PTN: variants seen among roughly 807,000 people sequenced by gnomAD.
PTN encodes pleiotrophin.
In PTN, 18 loss-of-function variants were observed where a neutral mutation model predicts 24.1. That is an observed-to-expected ratio of 0.75 (90% CI 0.52 to 1.11). PTN has a LOEUF of 1.11. Ranked by LOEUF, PTN falls within the 50% of genes least tolerant of loss-of-function variation. PTN has a pLI of 0.00. For synonymous variants in PTN, 78 were observed against 68.6 expected, an observed-to-expected ratio of 1.14 and a Z score of -0.67; for missense variants, 163 against 198.8, an observed-to-expected ratio of 0.82 and a Z score of 1.08.
chr7:137,236,107 G>A, intron 4 of PTN: 1 of 696,474 alleles, frequency 1.4e-6, no homozygotes, highest in South Asian at 1.5e-5. Context: ...ATTAATAAAA[G>A]TCCCCAATAT....
intron 1 of PTN, among the ~76,000 whole-genome samples, chr7:137,257,224 T>C (rs1442215666): frequency 6.6e-6 from 1 of 152,236 alleles, no homozygotes; most frequent in African/African-American, 2.4e-5. Flanking sequence ...CTTTCTACAA[T>C]ATAAGATAAG....
intron 1 of PTN, among the ~76,000 whole-genome samples, chr7:137,311,030 G>A (rs974689253): frequency 9.2e-5 from 14 of 151,954 alleles, no homozygotes; most frequent in African/African-American, 1.2e-4. Flanking sequence ...TCAGAAGTTC[G>A]AAACCAAACT....
At chr7:137,261,504 A>G (rs146902905) in intron 1 of PTN, among the ~76,000 whole-genome samples, 23 of 152,338 alleles carry the variant, frequency 1.5e-4, no homozygotes, top group African/African-American at 5.5e-4. Flanking sequence ...CTTGACATCT[A>G]TGTAATCAGA....
chr7:137,238,539 T>A (rs547520710), intron 4 of PTN, among the ~76,000 whole-genome samples: 2 of 152,162 alleles, frequency 1.3e-5, no homozygotes, highest in Non-Finnish European at 1.5e-5. Context: ...AGGATTATCA[T>A]GGAAACAAAA....
intron 1 of PTN, among the ~76,000 whole-genome samples, chr7:137,283,109 A>G (rs900626259): frequency 1.1e-4 from 17 of 152,158 alleles, no homozygotes; most frequent in Non-Finnish European, 2.5e-4. Flanking sequence ...CCATCCCACA[A>G]GGTTCCCACA....
intron 1 of PTN, among the ~76,000 whole-genome samples, chr7:137,310,787 T>C (rs940103913): frequency 6.6e-6 from 1 of 152,238 alleles, no homozygotes; most frequent in Non-Finnish European, 1.5e-5. Flanking sequence ...CTGGATCTTC[T>C]GGATAACTTG....
At chr7:137,251,467 T>C (rs1808826086) in intron 3 of PTN, 76 bp from the exon 4 acceptor site, 4 of 1,482,106 alleles carry the variant, frequency 2.7e-6, no homozygotes, top group African/African-American at 1.4e-5. Context: ...GGCACACTTT[T>C]GTTTGTAACT....
intron 1 of PTN, among the ~76,000 whole-genome samples, chr7:137,335,720 G>A (rs763711636): frequency 7.9e-5 from 12 of 152,152 alleles, no homozygotes; most frequent in Non-Finnish European, 1.8e-4. Flanking sequence ...TGACTGGTAT[G>A]AACATGAAAG....
chr7:137,282,202 T>C (rs2128876171), intron 1 of PTN, among the ~76,000 whole-genome samples: 1 of 152,358 alleles, frequency 6.6e-6, no homozygotes, highest in South Asian at 2.1e-4. Context: ...TAACATTAAC[T>C]GTGTGGTAGA....
intron 1 of PTN, among the ~76,000 whole-genome samples, chr7:137,294,360 C>G (rs1213947540): frequency 6.6e-6 from 1 of 152,126 alleles, no homozygotes; most frequent in Non-Finnish European, 1.5e-5. Flanking sequence ...CAGGAGTACA[C>G]TGGGCATCAT....
At chr7:137,296,709 G>T (rs925511101) in intron 1 of PTN, among the ~76,000 whole-genome samples, 3 of 152,052 alleles carry the variant, frequency 2.0e-5, no homozygotes, top group Non-Finnish European at 4.4e-5. Flanking sequence ...GAAACAGAGG[G>T]GACTCTGTAC....
chr7:137,274,984 C>T (rs1389269741), intron 1 of PTN, among the ~76,000 whole-genome samples: 1 of 152,176 alleles, frequency 6.6e-6, no homozygotes, highest in Non-Finnish European at 1.5e-5. Context: ...TCAATGGAAA[C>T]ACAGAGTTTT....
At chr7:137,296,715 T>C (rs1462349673) in intron 1 of PTN, among the ~76,000 whole-genome samples, 3 of 152,116 alleles carry the variant, frequency 2.0e-5, no homozygotes, top group African/African-American at 2.4e-5. Flanking sequence ...GAGGGGACTC[T>C]GTACAATTTC....
chr7:137,327,418 T>A (rs112548340), intron 1 of PTN, among the ~76,000 whole-genome samples: 56 of 152,216 alleles, frequency 3.7e-4, no homozygotes, highest in Non-Finnish European at 7.1e-4. Flanking sequence ...CTGTTTTCTG[T>A]CTCTGAGGTC....
chr7:137,290,912 T>C (rs1484334369), intron 1 of PTN, among the ~76,000 whole-genome samples: 1 of 152,206 alleles, frequency 6.6e-6, no homozygotes, highest in Non-Finnish European at 1.5e-5. Context: ...ACATCAACCA[T>C]TTCTCTTCAT....
intron 1 of PTN, among the ~76,000 whole-genome samples, chr7:137,291,316 A>C (rs984389512): frequency 2.0e-5 from 3 of 152,150 alleles, no homozygotes; most frequent in Non-Finnish European, 4.4e-5. Context: ...TTTATACTAC[A>C]TGTTTATTAT....
chr7:137,333,521 A>G (rs965460891), intron 1 of PTN, among the ~76,000 whole-genome samples: 4 of 152,190 alleles, frequency 2.6e-5, no homozygotes, highest in Non-Finnish European at 5.9e-5. Flanking sequence ...GGAAGTCACA[A>G]AGATGGATGA....
chr7:137,287,502 TA>T (rs1809575827), intron 1 of PTN, among the ~76,000 whole-genome samples: 1 of 152,078 alleles, frequency 6.6e-6, no homozygotes, highest in Non-Finnish European at 1.5e-5. Context: ...AATTGGTCCT[TA>T]AACTCCTAAT....
At chr7:137,245,609 T>TA (rs113266553) in intron 4 of PTN, among the ~76,000 whole-genome samples, 5,759 of 147,090 alleles carry the variant, frequency 0.039, 129 homozygotes, top group African/African-American at 0.05. Context: ...TTCTTCTTAG[T>TA]AAAAAAAAAA....
Sources: allele counts gnomAD v4.1 joint callset (sites outside exome capture counted in the v4.1 genomes callset), GRCh38; gene constraint gnomAD v4.1.1; transcripts MANE v1.5; gene names NCBI Gene and HGNC (gene_info 2026-07-23, HGNC 2026-07-21).